SPIDR: variants seen among roughly 807,000 people sequenced by gnomAD.
The protein encoded by SPIDR is scaffold protein involved in DNA repair, also known as DNA repair-scaffolding protein.
In SPIDR, 93 loss-of-function variants were observed where a neutral mutation model predicts 104.6. The ratio of observed to expected loss-of-function variants is 0.89; its 90% CI spans 0.75 to 1.06. SPIDR has a LOEUF of 1.06. Ranked by LOEUF, SPIDR falls within the 50% of genes least tolerant of loss-of-function variation. SPIDR has a pLI of 0.00. For missense variants in SPIDR, 1,154 were observed against 1,111.2 expected (o/e 1.04, Z -0.55); for synonymous variants, 431 against 416.9 (o/e 1.03, Z -0.41).
At chr8:47,626,173 C>G (rs1269042393) in intron 10 of SPIDR, among the ~76,000 whole-genome samples, 1 of 152,180 alleles carries the variant, frequency 6.6e-6, no homozygotes, top group Non-Finnish European at 1.5e-5. Context: ...GCTGGGAAAA[C>G]TGGCTAGCCA....
At chr8:47,435,551 A>T (rs1206434666) in intron 7 of SPIDR, among the ~76,000 whole-genome samples, 1 of 152,022 alleles carries the variant, frequency 6.6e-6, no homozygotes, top group Non-Finnish European at 1.5e-5. Context: ...TTCTTCATTG[A>T]ATCTTTCTGT....
At chr8:47,651,175 T>C (rs2071549494) in intron 10 of SPIDR, among the ~76,000 whole-genome samples, 1 of 151,988 alleles carries the variant, frequency 6.6e-6, no homozygotes, top group Admixed American at 6.6e-5. Flanking sequence ...TGAGAGAAAA[T>C]ATTTGTAAAC....
intron 8 of SPIDR, among the ~76,000 whole-genome samples, chr8:47,557,590 G>T (rs1359205628): frequency 6.6e-6 from 1 of 152,154 alleles, no homozygotes. Context: ...CTGTATTAAA[G>T]TGTGAATAAC....
At chr8:47,317,732 A>G (rs1393830519) in intron 5 of SPIDR, among the ~76,000 whole-genome samples, 1 of 151,984 alleles carries the variant, frequency 6.6e-6, no homozygotes, top group Non-Finnish European at 1.5e-5. Flanking sequence ...ATGGCCGGGT[A>G]CTCCTCTGAG....
intron 8 of SPIDR, among the ~76,000 whole-genome samples, chr8:47,587,488 C>A (rs2060375714): frequency 1.3e-5 from 2 of 151,874 alleles, no homozygotes; most frequent in African/African-American, 4.8e-5. Flanking sequence ...CACCTGCAGT[C>A]CCAGCTACCC....
At chr8:47,331,999 T>C (rs1563646983) in intron 5 of SPIDR, among the ~76,000 whole-genome samples, 75 of 97,622 alleles carry the variant, frequency 7.7e-4, no homozygotes, top group African/African-American at 3.1e-3. Flanking sequence ...CTTTTTTTTT[T>C]TTTTTTTTTT....
At chr8:47,337,831 G>A (rs2050051504) in intron 5 of SPIDR, among the ~76,000 whole-genome samples, 1 of 152,098 alleles carries the variant, frequency 6.6e-6, no homozygotes, top group Admixed American at 6.6e-5. Flanking sequence ...CATGTTTTAA[G>A]CAGAGTGTTC....
At chr8:47,482,023 A>G (rs1382917538) in intron 8 of SPIDR, among the ~76,000 whole-genome samples, 1 of 152,166 alleles carries the variant, frequency 6.6e-6, no homozygotes, top group African/African-American at 2.4e-5. Context: ...ATGTCTTAGC[A>G]TCTGTCAGTT....
chr8:47,727,550 G>A (rs2084447079), intron 17 of SPIDR, among the ~76,000 whole-genome samples: 1 of 152,108 alleles, frequency 6.6e-6, no homozygotes, highest in Admixed American at 6.5e-5. Flanking sequence ...TTTATTATCA[G>A]CCAGGAGAAT....
intron 11 of SPIDR, among the ~76,000 whole-genome samples, chr8:47,684,925 A>G (rs2077548598): frequency 6.6e-6 from 1 of 152,208 alleles, no homozygotes; most frequent in Non-Finnish European, 1.5e-5. Context: ...AAACAGGGAT[A>G]AAAGAAACCA....
intron 8 of SPIDR, among the ~76,000 whole-genome samples, chr8:47,500,627 G>A (rs564242230): frequency 6.6e-6 from 1 of 152,154 alleles, no homozygotes; most frequent in Non-Finnish European, 1.5e-5. Context: ...CTTTTGCCGT[G>A]CAGAAGCTCT....
chr8:47,703,054 A>G (rs1333099776), intron 14 of SPIDR, among the ~76,000 whole-genome samples: 1 of 152,182 alleles, frequency 6.6e-6, no homozygotes, highest in Non-Finnish European at 1.5e-5. Context: ...CTGGTTATCA[A>G]GATCTGACAC....
At chr8:47,331,965 C>CTTTTTTTTTTTTT (rs1183447584) in intron 5 of SPIDR, among the ~76,000 whole-genome samples, 24 of 32,702 alleles carry the variant, frequency 7.3e-4, no homozygotes, top group East Asian at 2.6e-3. Flanking sequence ...TTTTTTTAAA[C>CTTTTTTTTTTTTT]TTTTTTTTTT....
intron 6 of SPIDR, among the ~76,000 whole-genome samples, chr8:47,397,219 C>T (rs1225118895): frequency 3.9e-5 from 6 of 152,048 alleles, no homozygotes; most frequent in African/African-American, 1.4e-4. Flanking sequence ...AAAGAGAGGC[C>T]GGGCGCGGTG....
In SPIDR at chr8:47,504,730, G is replaced by T. The variant is rs909869794; in HGVS notation, c.1097+64188G>T. 6.6e-5 allele frequency among the ~76,000 whole-genome samples: 10 copies of T among 152,260 alleles called. 1 individual carries two copies. The South Asian group carries it at 1.9e-3, about 28-fold the overall frequency. ...GGCACTCTGATTTTTAGAGTTTCCA[G>T]TTTTTCTGCTCTGTTTTTTCTCCAT... is the stretch of plus-strand genomic sequence containing the variant. On this transcript the variant is annotated intron_variant, in intron 8 of 19. Transcript: ENST00000297423.
intron 5 of SPIDR, among the ~76,000 whole-genome samples, chr8:47,306,866 T>C (rs1319611829): frequency 6.6e-6 from 1 of 152,238 alleles, no homozygotes; most frequent in African/African-American, 2.4e-5. Flanking sequence ...GTAACCTTTT[T>C]TGATTTAGAC....
At chr8:47,572,063 T>G (rs1564366718) in intron 8 of SPIDR, among the ~76,000 whole-genome samples, 1 of 152,158 alleles carries the variant, frequency 6.6e-6, no homozygotes, top group Non-Finnish European at 1.5e-5. Flanking sequence ...TTGTATGTAG[T>G]GAGTGCTCAG....
intron 11 of SPIDR, among the ~76,000 whole-genome samples, chr8:47,695,579 G>A (rs1355331274): frequency 6.6e-6 from 1 of 152,174 alleles, no homozygotes; most frequent in Non-Finnish European, 1.5e-5. Flanking sequence ...TTAGTTGGAT[G>A]AGACAGTATC....
At chr8:47,367,489 C>G (rs1269828210) in intron 5 of SPIDR, among the ~76,000 whole-genome samples, 9 of 152,266 alleles carry the variant, frequency 5.9e-5, no homozygotes, top group Admixed American at 3.9e-4. Flanking sequence ...TTGCTTTAAG[C>G]CACTAAGTTT....
Sources: allele counts gnomAD v4.1 joint callset (sites outside exome capture counted in the v4.1 genomes callset), GRCh38; gene constraint gnomAD v4.1.1; transcripts MANE v1.5; gene names NCBI Gene and HGNC (gene_info 2026-07-23, HGNC 2026-07-21).